DNAH14: variants seen among roughly 807,000 people sequenced by gnomAD.
DNAH14 encodes axonemal beta dynein heavy chain 14.
A neutral mutation model predicts 520.9 loss-of-function variants in DNAH14; 478 were observed. The observed-to-expected ratio is 0.92, with a 90% CI of 0.85 to 0.99. The LOEUF (loss-of-function observed/expected upper bound fraction) is 0.99. DNAH14 is among the 50% of genes least tolerant of loss of function. DNAH14 has a pLI of 0.00. For synonymous variants in DNAH14, 1,581 were observed against 1,757.2 expected (o/e 0.90, Z 2.51); for missense variants, 4,831 against 5,234.5 (o/e 0.92, Z 2.38).
rs1406227945 is a variant in DNAH14 at position 224,964,506 on chromosome 1, A to G, written c.395A>G (p.Asn132Ser). Reference sequence around the variant, plus strand: ...CCAAAAGATGATGATGTGATAAGAAATATTATTAGGCTACGAGAAAAGCTT... The same window carrying G: ...CCAAAAGATGATGATGTGATAAGAAGTATTATTAGGCTACGAGAAAAGCTT... ...TEPKDDDVIR[N>S]IIRLREKLGW... The change falls in exon 5 of 86, where the codon AAT (asparagine) becomes AGT (serine). Residue 132 changes from asparagine to serine, a missense_variant. Coordinates refer to ENST00000682510, the MANE Select transcript of DNAH14 (RefSeq NM_001367479.1). 2 of 1,609,576 alleles carry G rather than the reference A, an allele frequency of 1.2e-6. No individual in the cohort carries two copies. The highest frequency in any genetic ancestry group is 1.7e-4 in the Middle Eastern group (1 of 6,032).
chr1:225,297,240 T>C (rs2150043522), intron 55 of DNAH14, among the ~76,000 whole-genome samples: 1 of 152,298 alleles, frequency 6.6e-6, no homozygotes, highest in South Asian at 2.1e-4. Flanking sequence ...TATCTCCCTA[T>C]TGAATTTCTC....
chr1:225,375,424 C>T (rs1314979804), intron 78 of DNAH14, among the ~76,000 whole-genome samples: 8 of 152,086 alleles, frequency 5.3e-5, no homozygotes, highest in Non-Finnish European at 1.0e-4. Flanking sequence ...GAGGGTTGGA[C>T]TTGACATAAA....
intron 36 of DNAH14, among the ~76,000 whole-genome samples, chr1:225,173,074 G>C (rs1365809812): frequency 6.6e-6 from 1 of 152,192 alleles, no homozygotes; most frequent in Admixed American, 6.5e-5. Context: ...AGCTGAAACT[G>C]AATCCCTTCC....
intron 1 of DNAH14, among the ~76,000 whole-genome samples, chr1:224,938,504 C>T (rs1309874034): frequency 6.6e-6 from 1 of 151,556 alleles, no homozygotes; most frequent in Non-Finnish European, 1.5e-5. Context: ...CATCTCACTT[C>T]AGTTAAAACG....
intron 44 of DNAH14, among the ~76,000 whole-genome samples, chr1:225,255,334 A>G (rs1339469480): frequency 6.6e-6 from 1 of 152,212 alleles, no homozygotes; most frequent in Non-Finnish European, 1.5e-5. Flanking sequence ...TTTTGATTGA[A>G]TCAATCAAGT....
chr1:225,244,209 G>A (rs988899029), intron 43 of DNAH14, among the ~76,000 whole-genome samples: 2 of 152,170 alleles, frequency 1.3e-5, no homozygotes, highest in East Asian at 3.8e-4. Flanking sequence ...AAGCCAACTT[G>A]ATTGTCATGG....
intron 61 of DNAH14, among the ~76,000 whole-genome samples, chr1:225,321,895 A>C (rs2094560869): frequency 6.6e-6 from 1 of 152,050 alleles, no homozygotes; most frequent in Non-Finnish European, 1.5e-5. Context: ...AAGAAATGAG[A>C]GCATGTGTTT....
Position 225,023,858 on chromosome 1 carries a change from C to A in DNAH14, c.1351C>A (p.Leu451Ile). 6.5e-7 allele frequency: 1 copy of A among 1,528,598 alleles called. No homozygotes were observed. Among genetic ancestry groups the A allele is most frequent in the Non-Finnish European group, 8.8e-7 (1 of 1,134,914 alleles). The allele number at this position is 1,528,598 out of a possible 1,614,324, so 94.7% of individuals were successfully genotyped here. ...PFSVEKKNEN[L>I]IRTFKDNSFP... The stretch of plus-strand genomic sequence containing the variant: ...TTCAGTGGAAAAAAAGAATGAAAAT[C>A]TTATCAGGTAAATTACTTTTTTGAA... The change falls in exon 11 of 86, where the codon CTT becomes ATT. Residue 451 changes from leucine (L) to isoleucine (I), a missense_variant. Leu to Ile is a conservative substitution (Grantham distance 5). Coordinates refer to ENST00000682510, the MANE Select transcript of DNAH14 (RefSeq NM_001367479.1).
rs372584976 is a variant in DNAH14 at position 225,335,741 on chromosome 1, GTATA to G, written c.10081-1522_10081-1519del. ...CGCATATATACATATGTGCATATAT[GTATA>G]TACGCATATATACATACATGTGCAT... is the stretch of plus-strand genomic sequence containing the variant. On this transcript the variant is annotated intron_variant, in intron 66 of 85. Transcript: ENST00000682510. Among the ~76,000 whole-genome samples, 43 of 64,902 alleles carry G rather than the reference GTATA, an allele frequency of 6.6e-4. 12 individuals carry two copies. The highest frequency in any genetic ancestry group is 2.3e-3 in the African/African-American group (28 of 12,402). The allele number at this position is 64,902 out of a possible 152,430, so 42.6% of individuals were successfully genotyped here.
At chr1:225,192,940 A>C (rs757708906) in intron 38 of DNAH14, 29 bp downstream of exon 38, 141 of 1,473,906 alleles carry the variant, frequency 9.6e-5, no homozygotes, top group Admixed American at 4.6e-4. Flanking sequence ...GAATGTTTTT[A>C]TTTAACTAAT....
At position 225,392,433 on chromosome 1, in the gene DNAH14, A is replaced by G. The variant is rs1219308682; in HGVS notation, c.13473A>G (p.Ile4491Met). Residue 4491 changes from isoleucine to methionine, a missense_variant, in exon 84 of 86, where the codon ATA (isoleucine) becomes ATG (methionine). Transcript: ENST00000682510. ...FSVFMPKKLNIVRRAFKGSAS... is the reference protein window; with the variant it reads ...FSVFMPKKLNMVRRAFKGSAS... The stretch of plus-strand genomic sequence containing the variant: ...TATTTATGCCAAAGAAACTCAACAT[A>G]GTCAGGAGAGCGTTTAAGGTACTGG... The G allele has an allele frequency of 1.3e-6, 2 of 1,551,814 alleles. No homozygotes were observed. Among genetic ancestry groups the G allele is most frequent in the Non-Finnish European group, 1.7e-6 (2 of 1,147,010 alleles).
Position 225,051,602 on chromosome 1 carries a change from A to C in DNAH14, c.2231A>C (p.Glu744Ala). 8 of 1,550,986 alleles carry C rather than the reference A, an allele frequency of 5.2e-6. No individual in the cohort carries two copies. The highest frequency in any genetic ancestry group is 7.0e-6 in the Non-Finnish European group (8 of 1,146,626). The change falls in exon 17 of 86, where the codon GAA (glutamate) becomes GCA (alanine). Residue 744 changes from glutamate to alanine, a missense_variant. Glu to Ala is a moderately radical substitution (Grantham distance 107). Transcript: ENST00000682510. ...GGAGAATTAACTTCAAAAGAATTTG[A>C]AGCTATTCTAAATAGATTCAGAAAC... Reference protein sequence around the residue: ...SMGELTSKEFEAILNRFRNYF... With the variant: ...SMGELTSKEFAAILNRFRNYF...
chr1:225,251,362 C>T (rs751729431), intron 43 of DNAH14, among the ~76,000 whole-genome samples: 10 of 151,930 alleles, frequency 6.6e-5, no homozygotes, highest in African/African-American at 1.5e-4. Flanking sequence ...TTAGTAGAGA[C>T]GGGGTTGCAC....
rs142423778 is a variant in DNAH14, at chr1:225,093,450, C to A, written c.3574-3668C>A. 8.0e-4 allele frequency among the ~76,000 whole-genome samples: 122 copies of A among 151,974 alleles called. 1 individual carries two copies. Among genetic ancestry groups the A allele is most frequent in the African/African-American group, 2.9e-3 (119 of 41,460 alleles). On this transcript the variant is annotated intron_variant, in intron 21 of 85. Coordinates refer to ENST00000682510, the MANE Select transcript of DNAH14 (RefSeq NM_001367479.1). ...TTCAACATTGCTTTATGTTAAAAAC[C>A]CTCAACAAACTAGGCTTTCAAGGAA...
intron 75 of DNAH14, among the ~76,000 whole-genome samples, chr1:225,363,374 A>T (rs1343160776): frequency 6.6e-6 from 1 of 152,116 alleles, no homozygotes; most frequent in East Asian, 1.9e-4. Context: ...CATGTCTCTT[A>T]AGTCTCCTGA....
intron 36 of DNAH14, among the ~76,000 whole-genome samples, chr1:225,181,786 T>C (rs2084039250): frequency 6.6e-6 from 1 of 152,204 alleles, no homozygotes; most frequent in South Asian, 2.1e-4. Flanking sequence ...CCGCTGTTTA[T>C]TTTTGTCAGT....
intron 27 of DNAH14, among the ~76,000 whole-genome samples, chr1:225,124,298 C>T (rs1211485647): frequency 6.6e-6 from 1 of 152,176 alleles, no homozygotes; most frequent in Non-Finnish European, 1.5e-5. Context: ...TGCCACATGG[C>T]TTGACTCTTC....
chr1:225,056,614 G>A (rs557012765), intron 17 of DNAH14, among the ~76,000 whole-genome samples: 22 of 152,178 alleles, frequency 1.4e-4, no homozygotes, highest in Non-Finnish European at 3.1e-4. Context: ...CCATGCCTAT[G>A]TCCTGAATGG....
At chr1:225,173,700 G>A (rs2082972562) in intron 36 of DNAH14, among the ~76,000 whole-genome samples, 1 of 152,188 alleles carries the variant, frequency 6.6e-6, no homozygotes, top group South Asian at 2.1e-4. Context: ...AAGTCAGTGT[G>A]GCGATTCTTC....
Sources: allele counts gnomAD v4.1 joint callset (sites outside exome capture counted in the v4.1 genomes callset), GRCh38; gene constraint gnomAD v4.1.1; transcripts MANE v1.5; gene names NCBI Gene and HGNC (gene_info 2026-07-23, HGNC 2026-07-21).